Variants in MAN2B2 observed in about 807,000 individuals in gnomAD.
The protein encoded by MAN2B2 is epididymis-specific alpha-mannosidase.
A neutral mutation model predicts 117.1 loss-of-function variants in MAN2B2; 106 were observed. The observed-to-expected ratio is 0.90, with a 90% CI of 0.77 to 1.06. MAN2B2 has a LOEUF of 1.06. Ranked by LOEUF, MAN2B2 falls within the 50% of genes least tolerant of loss-of-function variation. The pLI is 0.00. For synonymous variants in MAN2B2, 544 were observed against 595.1 expected, an observed-to-expected ratio of 0.91 and a Z score of 1.25; for missense variants, 1,326 against 1,381.4, an observed-to-expected ratio of 0.96 and a Z score of 0.64.
intron 7 of MAN2B2, 43 bp from the exon 8 acceptor site, chr4:6,597,070 G>A (rs1247171417): frequency 6.4e-7 from 1 of 1,574,740 alleles, no homozygotes. Context: ...GCAGACTTCT[G>A]GGTCATGCCG....
chr4:6,594,766 G>A, intron 7 of MAN2B2, 34 bp downstream of exon 7: 2 of 1,577,788 alleles, frequency 1.3e-6, no homozygotes, highest in Non-Finnish European at 1.7e-6. Context: ...TGGTAGTTTG[G>A]TGGCAGGGAG....
intron 3 of MAN2B2, among the ~76,000 whole-genome samples, chr4:6,579,549 CACTACCACTACCATT>C (rs1416461142): frequency 2.0e-5 from 3 of 149,930 alleles, no homozygotes; most frequent in Admixed American, 6.6e-5. Context: ...CTATGACCAC[CACTACCACTACCATT>C]ACTACCACTA....
chr4:6,616,539 G>A (rs536167250), intron 16 of MAN2B2, among the ~76,000 whole-genome samples: 1 of 152,316 alleles, frequency 6.6e-6, no homozygotes, highest in African/African-American at 2.4e-5. Context: ...CGCTGATGGA[G>A]TTTGTATTGC....
rs1727744887 is a variant in MAN2B2, at chr4:6,610,974, G to T, written c.2354G>T (p.Gly785Val). The T allele has an allele frequency of 6.2e-7, 1 of 1,614,176 alleles. No individual in the cohort carries two copies. Residue 785 changes from glycine (G) to valine (V), a missense_variant, in exon 14 of 19, where the codon GGG (glycine) becomes GTG (valine). Gly to Val is a moderately radical substitution (Grantham distance 109, BLOSUM62 -3). Transcript: ENST00000285599. ...CGGGCACATGGCATCTCCAGCCAAG[G>T]GAATGGGCAGGTGGAGGTAGGAGGC... ...SERAHGISSQ[G>V]NGQVEVMLHR...
chr4:6,593,416 C>G, intron 6 of MAN2B2, 66 bp downstream of exon 6: 2 of 1,483,622 alleles, frequency 1.3e-6, no homozygotes, highest in Non-Finnish European at 1.8e-6. Context: ...AGCCCTGGTC[C>G]CTGCACCCAG....
intron 3 of MAN2B2, among the ~76,000 whole-genome samples, chr4:6,586,194 A>G (rs796144113): frequency 3.9e-5 from 6 of 151,976 alleles, no homozygotes; most frequent in African/African-American, 1.2e-4. Flanking sequence ...GACTACAGGC[A>G]TGTGCCACCA....
Position 6,598,333 on chromosome 4 carries a change from G to A in MAN2B2, c.1384G>A (p.Ala462Thr), listed in dbSNP as rs1315483002. The A allele has an allele frequency of 6.2e-7, 1 of 1,612,830 alleles. No individual in the cohort carries two copies. The highest frequency in any genetic ancestry group is 8.5e-7 in the Non-Finnish European group (1 of 1,179,662). The change falls in exon 9 of 19, where the codon GCA becomes ACA. Residue 462 changes from alanine to threonine, a missense_variant. By Grantham distance (58) the Ala-to-Thr change is moderately conservative. Transcript: ENST00000285599. ...SIVLDELQPQ[A>T]PMAASSDAGP... ...CGTCCTAGATGAGCTCCAGCCCCAGGCACCCATGGCGGCCAGCTCCGGTGA... is the reference window on the plus strand; with the variant it reads ...CGTCCTAGATGAGCTCCAGCCCCAGACACCCATGGCGGCCAGCTCCGGTGA...
chr4:6,591,803 G>A (rs1187448051), intron 5 of MAN2B2, among the ~76,000 whole-genome samples: 2 of 152,164 alleles, frequency 1.3e-5, no homozygotes, highest in South Asian at 2.1e-4. Context: ...GGGGCAGAGA[G>A]GATAGGCAGT....
Position 6,598,118 on chromosome 4 carries a change from G to A in MAN2B2, c.1249-80G>A, listed in dbSNP as rs533736478. 153 of 1,491,612 alleles carry A rather than the reference G, an allele frequency of 1.0e-4. 1 individual carries two copies. In the East Asian group the frequency reaches 3.5e-3, roughly 34 times the overall value. 92.4% of individuals were successfully genotyped at this position (1,491,612 alleles called of 1,614,324 possible). On this transcript the variant is annotated intron_variant, in intron 8 of 18. Coordinates refer to ENST00000285599, the MANE Select transcript of MAN2B2 (RefSeq NM_015274.3). ...ACCTGGCAAGCCAGAATGAGAGCCA[G>A]CGCCTAGTAGGTGCCTTGTAGGTGC...
Position 6,610,865 on chromosome 4 carries a change from T to C in MAN2B2, c.2260-15T>C, listed in dbSNP as rs1355461015. On this transcript the variant is annotated splice_polypyrimidine_tract_variant and intron_variant, in intron 13 of 18. Coordinates refer to ENST00000285599, the MANE Select transcript of MAN2B2 (RefSeq NM_015274.3). ...TTTGCCCCAATCGCCCACCTGGCGATGTTTCTGTCTGCAGAATTACTACCC... is the reference window on the plus strand; with the variant it reads ...TTTGCCCCAATCGCCCACCTGGCGACGTTTCTGTCTGCAGAATTACTACCC... The C allele has an allele frequency of 6.2e-7, 1 of 1,612,952 alleles. No individual in the cohort carries two copies.
chr4:6,598,502 G>C (rs1362746484), intron 9 of MAN2B2, 148 bp downstream of exon 9: 3 of 815,356 alleles, frequency 3.7e-6, no homozygotes, highest in Non-Finnish European at 5.6e-6. Context: ...CGGACAGGTG[G>C]CTTCAGTCCT....
chr4:6,597,395 G>A (rs1727145887), intron 8 of MAN2B2, 92 bp downstream of exon 8: 3 of 1,308,672 alleles, frequency 2.3e-6, no homozygotes, highest in South Asian at 1.5e-5. Context: ...CCAGCCCTGG[G>A]GCACTAGAGG....
chr4:6,600,660 C>T lies in MAN2B2; in HGVS notation c.1443C>T (p.Asn481=), dbSNP rs771392644. The T allele has an allele frequency of 6.2e-7, 1 of 1,614,004 alleles. No homozygotes were observed. Among genetic ancestry groups the T allele is most frequent in the East Asian group, 2.2e-5 (1 of 44,888 alleles). Residue 481 remains asparagine (N), a synonymous_variant, in exon 10 of 19, where the codon AAC becomes AAT. Transcript: ENST00000285599. ...CAGGACATTTTGCCTCGGTCTACAA[C>T]CCGCTGGCCTGGACGGTCACCACCA... ...GPAGHFASVY[N]PLAWTVTTIV...
At chr4:6,606,082 T>A (rs753332482) in intron 11 of MAN2B2, among the ~76,000 whole-genome samples, 1 of 152,102 alleles carries the variant, frequency 6.6e-6, no homozygotes, top group Non-Finnish European at 1.5e-5. Context: ...ACTCACCTTG[T>A]CTCCTGATGT....
In MAN2B2 at chr4:6,596,173, T is replaced by C. The variant is rs565739205; in HGVS notation, c.1058-940T>C. Among the ~76,000 whole-genome samples, 421 of 147,416 alleles carry C rather than the reference T, an allele frequency of 2.9e-3. 2 individuals carry two copies. Among genetic ancestry groups the C allele is most frequent in the Admixed American group, 6.9e-3 (102 of 14,700 alleles). On this transcript the variant is annotated intron_variant, in intron 7 of 18. Coordinates refer to ENST00000285599, the MANE Select transcript of MAN2B2 (RefSeq NM_015274.3). Reference sequence around the variant, plus strand: ...CAGGTGGGCGTGGTATCCAGGCGGGTGTGGGTGGGCGTGGCGTCCAGGTGG... The same window carrying C: ...CAGGTGGGCGTGGTATCCAGGCGGGCGTGGGTGGGCGTGGCGTCCAGGTGG...
At position 6,598,252 on chromosome 4, in the gene MAN2B2, T is replaced by C. The variant is rs1727182184; in HGVS notation, c.1303T>C (p.Tyr435His). 1 of 1,613,776 alleles carries C rather than the reference T, an allele frequency of 6.2e-7. No individual in the cohort carries two copies. The highest frequency in any genetic ancestry group is 1.1e-5 in the South Asian group (1 of 91,084). The stretch of plus-strand genomic sequence containing the variant: ...TGAGTCCCCCAAGGTGAGAGACATG[T>C]ACGCAACGCACCTGGCCTCGGGGAT... The part of the protein sequence containing the change: ...GTESPKVRDM[Y>H]ATHLASGMLG... Residue 435 changes from tyrosine to histidine, a missense_variant, in exon 9 of 19, where the codon TAC becomes CAC. Physicochemically the swap from Tyr to His is moderately conservative, Grantham distance 83 (BLOSUM62 2). Coordinates refer to ENST00000285599, the MANE Select transcript of MAN2B2 (RefSeq NM_015274.3).
intron 6 of MAN2B2, among the ~76,000 whole-genome samples, chr4:6,593,982 G>A (rs1373107974): frequency 6.6e-6 from 1 of 152,164 alleles, no homozygotes; most frequent in African/African-American, 2.4e-5. Flanking sequence ...AGTCAGGCGG[G>A]CCCCAGAGCC....
intron 18 of MAN2B2, 139 bp from the exon 19 acceptor site, chr4:6,621,049 C>T (rs1191749062): frequency 1.6e-6 from 1 of 621,844 alleles, no homozygotes; most frequent in Non-Finnish European, 2.9e-6. Flanking sequence ...CTGGGAGCCA[C>T]AGCAGATTGT....
chr4:6,599,516 G>T (rs1401597564), intron 9 of MAN2B2, among the ~76,000 whole-genome samples: 4 of 152,014 alleles, frequency 2.6e-5, no homozygotes, highest in African/African-American at 9.7e-5. Flanking sequence ...CCAAAAAAAT[G>T]AGCCGGGTGT....
Sources: gnomAD v4.1 joint callset for allele counts (sites outside exome capture counted in the v4.1 genomes callset) on GRCh38, gnomAD v4.1.1 for gene constraint, MANE v1.5 for transcripts, NCBI Gene and HGNC (gene_info 2026-07-23, HGNC 2026-07-21) for gene names.